The following SND1 variants were observed in gnomAD, a reference collection of about 807,000 sequenced individuals.
The protein encoded by SND1 is staphylococcal nuclease and tudor domain containing 1, also known as staphylococcal nuclease domain-containing protein 1.
In SND1, 38 loss-of-function variants were observed where a neutral mutation model predicts 121.7. The observed-to-expected ratio is 0.31, with a 90% confidence interval of 0.24 to 0.41. The LOEUF (loss-of-function observed/expected upper bound fraction) is 0.41, where lower values mean the gene tolerates loss of function less well. SND1 is among the 10% of genes least tolerant of loss of function. SND1 has a pLI of 1.00. For missense variants in SND1, 868 were observed against 1,184.6 expected (o/e 0.73, Z 3.92); for synonymous variants, 401 against 447.4 (o/e 0.90, Z 1.31).
chr7:127,898,453 T>C (rs1016450316), intron 13 of SND1, among the ~76,000 whole-genome samples: 2 of 152,274 alleles, frequency 1.3e-5, no homozygotes, highest in African/African-American at 4.8e-5. Context: ...TCTTATTTTC[T>C]GAGTGGTGCC....
intron 16 of SND1, chr7:128,032,077 T>A (rs1206799042): frequency 6.6e-6 from 1 of 151,816 alleles, no homozygotes; most frequent in Non-Finnish European, 1.5e-5. Context: ...TGCTCTCTCA[T>A]CCTTTTGTCC....
chr7:127,966,564 C>T (rs1294292830), intron 15 of SND1, among the ~76,000 whole-genome samples: 1 of 76,756 alleles, frequency 1.3e-5, no homozygotes, highest in East Asian at 2.4e-4. Context: ...CAAAGCCGCT[C>T]AACTACATGG....
chr7:128,031,014 A>G (rs2116987108), intron 16 of SND1: 2 of 142,182 alleles, frequency 1.4e-5, no homozygotes, highest in African/African-American at 5.1e-5. Flanking sequence ...TTAATTAACA[A>G]AAGGGGGAAG....
intron 15 of SND1, among the ~76,000 whole-genome samples, chr7:127,984,441 C>T (rs2116906669): frequency 6.6e-6 from 1 of 152,318 alleles, no homozygotes; most frequent in Non-Finnish European, 1.5e-5. Flanking sequence ...GGCCCCTTTC[C>T]TGGTATTTGC....
intron 16 of SND1, among the ~76,000 whole-genome samples, chr7:128,041,317 C>T (rs1238367248): frequency 6.6e-6 from 1 of 152,068 alleles, no homozygotes; most frequent in African/African-American, 2.4e-5. Context: ...TGGAGGGCAG[C>T]GCAGCATTGG....
chr7:127,753,647 G>A (rs1438912224), intron 10 of SND1, among the ~76,000 whole-genome samples: 2 of 152,018 alleles, frequency 1.3e-5, no homozygotes, highest in African/African-American at 4.8e-5. Context: ...TTGATACTTT[G>A]GCAGAAAATT....
At position 127,947,433 on chromosome 7, in the gene SND1, T is replaced by C. The variant is rs145167552; in HGVS notation, c.1669+18104T>C. Among the ~76,000 whole-genome samples, 770 of 152,336 alleles carry C rather than the reference T, an allele frequency of 5.1e-3. 7 individuals carry two copies. The highest frequency in any genetic ancestry group is 0.018 in the African/African-American group (730 of 41,576). On this transcript the variant is annotated intron_variant, in intron 15 of 23. Transcript: ENST00000354725. ...AAGTATGGCAAAATAATCCACTTCA[T>C]ATACACTTCGAAGCATGTTTGGATT...
intron 14 of SND1, 123 bp from the exon 15 acceptor site, chr7:127,929,065 A>G: frequency 2.2e-6 from 2 of 909,056 alleles, no homozygotes; most frequent in Non-Finnish European, 3.4e-6. Flanking sequence ...TCTTGGTTTC[A>G]GAAATGTCTA....
intron 10 of SND1, among the ~76,000 whole-genome samples, chr7:127,764,397 G>A (rs1797372596): frequency 6.6e-6 from 1 of 152,172 alleles, no homozygotes; most frequent in Non-Finnish European, 1.5e-5. Context: ...TATTTTAATA[G>A]TGCAATTTGG....
At chr7:127,745,423 C>T (rs1796963813) in intron 10 of SND1, among the ~76,000 whole-genome samples, 1 of 152,152 alleles carries the variant, frequency 6.6e-6, no homozygotes, top group Non-Finnish European at 1.5e-5. Flanking sequence ...AACTGTGTGA[C>T]AACTGGGAAA....
At chr7:127,915,557 A>G (rs1388428519) in intron 14 of SND1, among the ~76,000 whole-genome samples, 1 of 152,238 alleles carries the variant, frequency 6.6e-6, no homozygotes, top group African/African-American at 2.4e-5. Flanking sequence ...AGCTTTTCAT[A>G]TGCCAGCAAG....
chr7:127,662,467 A>G lies in SND1; in HGVS notation c.78+10016A>G, dbSNP rs146746313. Reference sequence around the variant, plus strand: ...AGCACTATTGCACTGATTGAACTGTATATCTTTGTGCTCTGATGCTAGCGT... The same window carrying G: ...AGCACTATTGCACTGATTGAACTGTGTATCTTTGTGCTCTGATGCTAGCGT... On this transcript the variant is annotated intron_variant, in intron 1 of 23. Coordinates refer to ENST00000354725, the MANE Select transcript of SND1 (RefSeq NM_014390.4). Among the ~76,000 whole-genome samples the G allele has an allele frequency of 9.4e-4, 143 of 152,296 alleles. 1 individual carries two copies. Among genetic ancestry groups the G allele is most frequent in the Middle Eastern group, 3.4e-3 (1 of 294 alleles).
intron 4 of SND1, among the ~76,000 whole-genome samples, chr7:127,699,957 T>C (rs779363607): frequency 2.4e-4 from 36 of 152,242 alleles, no homozygotes; most frequent in Non-Finnish European, 4.3e-4. Flanking sequence ...TGGTCCTTTC[T>C]GACTGCAAGG....
intron 16 of SND1, among the ~76,000 whole-genome samples, chr7:128,064,697 AG>A (rs1420762340): frequency 6.6e-6 from 1 of 152,210 alleles, no homozygotes; most frequent in Non-Finnish European, 1.5e-5. Context: ...AGTGGGATGC[AG>A]GGACTGTCTA....
Position 127,922,175 on chromosome 7 carries a change from CTTTTTTTTT to C in SND1, c.1528-6993_1528-6985del, listed in dbSNP as rs1158535023. Among the ~76,000 whole-genome samples, 63 of 57,196 alleles carry C rather than the reference CTTTTTTTTT, an allele frequency of 1.1e-3. 1 individual carries two copies. The South Asian group carries it at 0.02, about 18-fold the overall frequency. 37.5% of individuals were successfully genotyped at this position (57,196 alleles called of 152,430 possible). A position where few individuals can be genotyped will look rare whatever the true frequency, so the allele number is the denominator to read the frequency against. On this transcript the variant is annotated intron_variant, in intron 14 of 23. Transcript: ENST00000354725. ...CCAGCTGATTTTCTTTTTTTCTTTCCTTTTTTTTTTTTTTTTTTTTTTTTTTTTGTTTTG... is the reference window on the plus strand; with the variant it reads ...CCAGCTGATTTTCTTTTTTTCTTTCCTTTTTTTTTTTTTTTTTTTGTTTTG...
At chr7:127,840,154 G>T (rs911165680) in intron 11 of SND1, among the ~76,000 whole-genome samples, 1 of 152,198 alleles carries the variant, frequency 6.6e-6, no homozygotes, top group Admixed American at 6.5e-5. Context: ...CAGTTGGTGT[G>T]TTCCAATACC....
chr7:128,019,984 A>G (rs2116961605), intron 16 of SND1, among the ~76,000 whole-genome samples: 1 of 152,256 alleles, frequency 6.6e-6, no homozygotes, highest in Admixed American at 6.5e-5. Flanking sequence ...GGTCTGCATG[A>G]CCTTGAACAG....
chr7:127,953,331 C>G (rs1225436767), intron 15 of SND1, among the ~76,000 whole-genome samples: 2 of 151,932 alleles, frequency 1.3e-5, no homozygotes. Flanking sequence ...TTTTCCGTCC[C>G]CTGAACTTTT....
At chr7:127,750,005 T>G (rs1797057211) in intron 10 of SND1, among the ~76,000 whole-genome samples, 1 of 151,992 alleles carries the variant, frequency 6.6e-6, no homozygotes. Context: ...AAGCCTGAGG[T>G]GGGAGGGTCA....
Sources: gnomAD v4.1 joint callset for allele counts (sites outside exome capture counted in the v4.1 genomes callset) on GRCh38, gnomAD v4.1.1 for gene constraint, MANE v1.5 for transcripts, NCBI Gene and HGNC (gene_info 2026-07-23, HGNC 2026-07-21) for gene names.